Variants in PBRM1 observed in about 807,000 individuals in gnomAD.
PBRM1 encodes polybromo 1.
A neutral mutation model predicts 194.5 loss-of-function variants in PBRM1; 27 were observed. That is an observed-to-expected ratio of 0.14 (90% confidence interval 0.10 to 0.19). PBRM1 has a LOEUF of 0.19. PBRM1 is among the 10% of genes least tolerant of loss of function. The pLI is 1.00. For missense variants in PBRM1, 1,466 were observed against 2,077.2 expected (o/e 0.71, Z 5.72); for synonymous variants, 655 against 693.2 (o/e 0.94, Z 0.87).
intron 20 of PBRM1, among the ~76,000 whole-genome samples, chr3:52,580,426 T>C (rs2090838487): frequency 2.0e-5 from 3 of 152,132 alleles, no homozygotes; most frequent in Admixed American, 2.0e-4. Flanking sequence ...TGGCGCGATA[T>C]TGGCTCACTG....
At chr3:52,623,215 G>C (rs1300431686) in intron 13 of PBRM1, among the ~76,000 whole-genome samples, 1 of 152,150 alleles carries the variant, frequency 6.6e-6, no homozygotes, top group Non-Finnish European at 1.5e-5. Flanking sequence ...ATGAGCCCAG[G>C]AGTTTGAGGC....
chr3:52,634,909 A>G (rs537967865), intron 10 of PBRM1, 94 bp from the exon 12 acceptor site: 1 of 858,104 alleles, frequency 1.2e-6, no homozygotes, highest in African/African-American at 1.7e-5. Flanking sequence ...AGATTGAACT[A>G]AATATATTTG....
At chr3:52,555,640 T>A (rs895240663) in intron 26 of PBRM1, among the ~76,000 whole-genome samples, 4 of 152,190 alleles carry the variant, frequency 2.6e-5, no homozygotes, top group African/African-American at 4.8e-5. Flanking sequence ...TCTGCTGATA[T>A]GAGAAAATGC....
At chr3:52,662,049 A>C (rs2096736208) in intron 4 of PBRM1, 84 bp downstream of exon 5, 1 of 1,385,900 alleles carries the variant, frequency 7.2e-7, no homozygotes, top group African/African-American at 1.5e-5. Context: ...CTAGTTGCCC[A>C]CAACAGCCCA....
chr3:52,662,288 CA>C lies in PBRM1; in HGVS notation c.385-13del. 6.5e-7 allele frequency: 1 copy of C among 1,543,378 alleles called. No homozygotes were observed. Among genetic ancestry groups the C allele is most frequent in the Non-Finnish European group, 8.7e-7 (1 of 1,148,300 alleles). The stretch of plus-strand genomic sequence containing the variant: ...TCAGGAGAATCTGGCTGTATGTTAG[CA>C]AAGAGAAAAAAAAAAACACTTTAGT... On this transcript the variant is annotated splice_polypyrimidine_tract_variant and intron_variant, in intron 3 of 29. Coordinates refer to ENST00000296302, the Ensembl canonical transcript of PBRM1.
chr3:52,648,133 G>A (rs972946835), intron 7 of PBRM1, among the ~76,000 whole-genome samples: 18 of 152,094 alleles, frequency 1.2e-4, no homozygotes, highest in African/African-American at 3.4e-4. Context: ...GGTCTGGAAC[G>A]CCTGACCTCG....
chr3:52,562,576 G>A (rs977693260), intron 24 of PBRM1, among the ~76,000 whole-genome samples: 1 of 120,046 alleles, frequency 8.3e-6, no homozygotes, highest in Non-Finnish European at 1.7e-5. Flanking sequence ...ACAGGGTCTT[G>A]TTCTGTCACC....
At chr3:52,592,319 A>G (rs1333470516) in intron 17 of PBRM1, among the ~76,000 whole-genome samples, 1 of 151,826 alleles carries the variant, frequency 6.6e-6, no homozygotes, top group Non-Finnish European at 1.5e-5. Flanking sequence ...GTTTCTAGAG[A>G]CAGGGTTTCA....
intron 26 of PBRM1, among the ~76,000 whole-genome samples, chr3:52,557,991 G>C (rs1219539169): frequency 6.6e-6 from 1 of 152,152 alleles, no homozygotes; most frequent in Non-Finnish European, 1.5e-5. Flanking sequence ...CTGGGGTGGA[G>C]AACATCACCA....
intron 29 of PBRM1, among the ~76,000 whole-genome samples, chr3:52,549,263 G>A (rs1418097694): frequency 1.3e-5 from 2 of 152,010 alleles, no homozygotes; most frequent in Non-Finnish European, 2.9e-5. Flanking sequence ...CAAGTGATCT[G>A]CCCGCTTCAG....
chr3:52,589,424 T>G (rs918584846), intron 17 of PBRM1, among the ~76,000 whole-genome samples, 169 bp from the exon 20 acceptor site: 1 of 152,346 alleles, frequency 6.6e-6, no homozygotes, highest in South Asian at 2.1e-4. Flanking sequence ...ACATTCCTAA[T>G]AGCCTCTACT....
chr3:52,547,399 C>T (rs1359273421), downstream of PBRM1: 2 of 233,074 alleles, frequency 8.6e-6, no homozygotes, highest in Non-Finnish European at 1.7e-5. Flanking sequence ...GACAGATGCA[C>T]AGCACTGATT....
At chr3:52,596,987 T>A (rs1365625002) in intron 17 of PBRM1, among the ~76,000 whole-genome samples, 1 of 152,158 alleles carries the variant, frequency 6.6e-6, no homozygotes, top group Non-Finnish European at 1.5e-5. Context: ...TGGCAAGGCT[T>A]GCTGGAACCC....
exon 1 of PBRM1, chr3:52,679,634 C>A (rs759490708): frequency 6.2e-7 from 1 of 1,614,106 alleles, no homozygotes; most frequent in Non-Finnish European, 8.5e-7. Context: ...CTGGTGTTGA[C>A]ACAGAATGGT....
chr3:52,676,540 G>C (rs1322037624), intron 2 of PBRM1, among the ~76,000 whole-genome samples: 1 of 152,176 alleles, frequency 6.6e-6, no homozygotes, highest in African/African-American at 2.4e-5. Flanking sequence ...GGAACTGTAA[G>C]TTCAGTTAAA....
intron 3 of PBRM1, among the ~76,000 whole-genome samples, chr3:52,663,786 G>A (rs146212812): frequency 5.4e-4 from 82 of 151,798 alleles, no homozygotes; most frequent in African/African-American, 1.4e-3. Flanking sequence ...GTGGCCAGGC[G>A]TGGTGGCTCA....
chr3:52,673,118 G>A (rs2096988249), intron 2 of PBRM1, among the ~76,000 whole-genome samples: 2 of 151,400 alleles, frequency 1.3e-5, no homozygotes, highest in African/African-American at 2.4e-5. Flanking sequence ...CTCCCAAGTG[G>A]CTGGGATTAC....
chr3:52,577,988 C>T (rs2090126191), intron 21 of PBRM1, among the ~76,000 whole-genome samples: 1 of 152,276 alleles, frequency 6.6e-6, no homozygotes, highest in East Asian at 1.9e-4. Flanking sequence ...TTATCTCTTA[C>T]TAACTCATTA....
chr3:52,642,049 CA>C lies in PBRM1; in HGVS notation c.996-5del, dbSNP rs376663529. ...TCCTTGTACTGCTCTTTTATTACTA[CA>C]AAAAAAAAAAAAGCAATTAGACAGG... On this transcript the variant is annotated splice_polypyrimidine_tract_variant and splice_region_variant and intron_variant, in intron 9 of 29. Transcript: ENST00000296302. 124,522 of 1,114,992 alleles carry C rather than the reference CA, an allele frequency of 0.11. 45 individuals carry two copies. Among genetic ancestry groups the C allele is most frequent in the South Asian group, 0.21 (13,502 of 65,862 alleles). 69.1% of individuals were successfully genotyped at this position (1,114,992 alleles called of 1,614,324 possible). A position where few individuals can be genotyped will look rare whatever the true frequency, so the allele number is the denominator to read the frequency against.
Sources: allele counts gnomAD v4.1 joint callset (sites outside exome capture counted in the v4.1 genomes callset), GRCh38; gene constraint gnomAD v4.1.1; transcripts MANE v1.5; gene names NCBI Gene and HGNC (gene_info 2026-07-23, HGNC 2026-07-21).